The following DENND1B variants were observed in gnomAD, a reference collection of about 807,000 sequenced individuals.
DENND1B encodes the protein DENN domain-containing protein 1B.
A neutral mutation model predicts 90.1 loss-of-function variants in DENND1B; 59 were observed. That is an observed-to-expected ratio of 0.65 (90% CI 0.53 to 0.81). DENND1B has a LOEUF of 0.81. Ranked by LOEUF, DENND1B falls within the 40% of genes least tolerant of loss-of-function variation. The pLI, the probability that DENND1B is intolerant of heterozygous loss-of-function variation, is 0.00. For synonymous variants in DENND1B, 337 were observed against 324.6 expected (o/e 1.04, Z -0.41); for missense variants, 862 against 912.6 (o/e 0.94, Z 0.71).
At chr1:197,733,574 G>A (rs944488203) in intron 2 of DENND1B, among the ~76,000 whole-genome samples, 1 of 152,062 alleles carries the variant, frequency 6.6e-6, no homozygotes, top group Non-Finnish European at 1.5e-5. Context: ...CTTTGTCTTC[G>A]TTGTTTGGGC....
At chr1:197,739,485 A>G (rs1009350470) in intron 2 of DENND1B, among the ~76,000 whole-genome samples, 1 of 152,236 alleles carries the variant, frequency 6.6e-6, no homozygotes, top group African/African-American at 2.4e-5. Context: ...CATCACAGGA[A>G]AATCCCCAAA....
intron 20 of DENND1B, among the ~76,000 whole-genome samples, chr1:197,513,458 T>C (rs1467571236): frequency 2.0e-5 from 3 of 150,476 alleles, no homozygotes; most frequent in Non-Finnish European, 4.5e-5. Flanking sequence ...GGTTCTATAG[T>C]GTTTCTGAGT....
intron 2 of DENND1B, among the ~76,000 whole-genome samples, chr1:197,767,868 T>C (rs573428901): frequency 6.4e-4 from 97 of 152,274 alleles, no homozygotes; most frequent in African/African-American, 2.3e-3. Flanking sequence ...ACTCAAATAT[T>C]TCCTCGCATG....
At chr1:197,568,374 T>C (rs1672868298) in intron 15 of DENND1B, among the ~76,000 whole-genome samples, 2 of 152,150 alleles carry the variant, frequency 1.3e-5, no homozygotes, top group Non-Finnish European at 2.9e-5. Flanking sequence ...ATATTCCATG[T>C]TCATGTGTTC....
upstream of DENND1B, among the ~76,000 whole-genome samples, chr1:197,780,271 T>C (rs1315239422): frequency 6.6e-6 from 1 of 152,022 alleles, no homozygotes; most frequent in Non-Finnish European, 1.5e-5. Flanking sequence ...GTTCATGGTC[T>C]TCCAGTTCAT....
At chr1:197,673,339 GC>G (rs760282497) in intron 4 of DENND1B, among the ~76,000 whole-genome samples, 1 of 151,926 alleles carries the variant, frequency 6.6e-6, no homozygotes, top group Non-Finnish European at 1.5e-5. Flanking sequence ...CATCAACAAT[GC>G]TTATTAGTAC....
intron 3 of DENND1B, among the ~76,000 whole-genome samples, chr1:197,678,452 A>G (rs372665147): frequency 6.6e-6 from 1 of 152,154 alleles, no homozygotes; most frequent in East Asian, 1.9e-4. Context: ...GAATTTCTGA[A>G]AAGATGATTA....
Position 197,715,015 on chromosome 1 carries a change from A to G in DENND1B, c.126+16T>C. On this transcript the variant is annotated intron_variant, in intron 3 of 22. Transcript: ENST00000620048. ...ACTTCAACTTTAAATTTTTTAAAAA[A>G]TTATGTGGTACCAACCTGGTCTCCA... 2 of 1,602,994 alleles carry G rather than the reference A, an allele frequency of 1.2e-6. No individual in the cohort carries two copies. Among genetic ancestry groups the G allele is most frequent in the Non-Finnish European group, 1.7e-6 (2 of 1,171,210 alleles).
chr1:197,543,887 T>C lies in DENND1B; in HGVS notation c.1350+2035A>G, dbSNP rs867602698. Among the ~76,000 whole-genome samples, 4 of 152,314 alleles carry C rather than the reference T, an allele frequency of 2.6e-5. 1 individual carries two copies. The South Asian group carries it at 8.3e-4, about 32-fold the overall frequency. ...AGGAATAACAGAAGTTCTAAACTTT[T>C]ATTAAAATATACTATTTTATTATTA... On this transcript the variant is annotated intron_variant, in intron 18 of 22. Coordinates refer to ENST00000620048, the MANE Select transcript of DENND1B (RefSeq NM_001195215.2).
chr1:197,588,968 A>G (rs1002270001), intron 14 of DENND1B, among the ~76,000 whole-genome samples: 1 of 152,120 alleles, frequency 6.6e-6, no homozygotes, highest in Non-Finnish European at 1.5e-5. Context: ...TCTTGAAAAA[A>G]GAAAAACTAC....
intron 2 of DENND1B, chr1:197,734,214 AGAAAT>A: frequency 1.1e-6 from 1 of 883,002 alleles, no homozygotes; most frequent in African/African-American, 1.8e-5. Flanking sequence ...ATTAAAACTT[AGAAAT>A]GAAAAGAGTA....
At chr1:197,707,591 C>A (rs568478083) in intron 3 of DENND1B, among the ~76,000 whole-genome samples, 1 of 146,198 alleles carries the variant, frequency 6.8e-6, no homozygotes, top group African/African-American at 2.5e-5. Context: ...TATTTATATA[C>A]ATATATTATA....
intron 15 of DENND1B, among the ~76,000 whole-genome samples, chr1:197,567,303 AC>A (rs1354380877): frequency 7.2e-5 from 11 of 152,124 alleles, no homozygotes; most frequent in Non-Finnish European, 1.3e-4. Flanking sequence ...ACCTATCAAA[AC>A]TGAATTATTA....
intron 10 of DENND1B, among the ~76,000 whole-genome samples, chr1:197,621,350 A>G (rs1056735649): frequency 6.6e-6 from 1 of 151,296 alleles, no homozygotes; most frequent in African/African-American, 2.4e-5. Flanking sequence ...GACTCTAAAT[A>G]TTATTCTGGA....
At chr1:197,664,151 A>T (rs1654705676) in intron 5 of DENND1B, among the ~76,000 whole-genome samples, 1 of 152,052 alleles carries the variant, frequency 6.6e-6, no homozygotes, top group Non-Finnish European at 1.5e-5. Flanking sequence ...TGCTCAAAGC[A>T]ACTAATTTTA....
intron 3 of DENND1B, among the ~76,000 whole-genome samples, chr1:197,706,667 A>C (rs1197557536): frequency 1.3e-5 from 2 of 152,176 alleles, no homozygotes; most frequent in African/African-American, 2.4e-5. Context: ...CAACAGGCAC[A>C]TCAAACAATC....
At chr1:197,595,682 G>T (rs1340817936) in intron 13 of DENND1B, among the ~76,000 whole-genome samples, 1 of 152,044 alleles carries the variant, frequency 6.6e-6, no homozygotes, top group Non-Finnish European at 1.5e-5. Context: ...GATGAAGCAG[G>T]TTAGGTTTTG....
chr1:197,732,918 C>G (rs2102325383), intron 2 of DENND1B, among the ~76,000 whole-genome samples: 1 of 152,332 alleles, frequency 6.6e-6, no homozygotes, highest in South Asian at 2.1e-4. Context: ...TATAATAACA[C>G]TGCCCACCAG....
At chr1:197,674,275 G>T in intron 3 of DENND1B, 106 bp from the exon 4 acceptor site, 1 of 777,658 alleles carries the variant, frequency 1.3e-6, no homozygotes, top group Non-Finnish European at 2.1e-6. Context: ...TGCTTTCTTT[G>T]TCCTTAAGAA....
Sources: gnomAD v4.1 joint callset for allele counts (sites outside exome capture counted in the v4.1 genomes callset) on GRCh38, gnomAD v4.1.1 for gene constraint, MANE v1.5 for transcripts, NCBI Gene and HGNC (gene_info 2026-07-23, HGNC 2026-07-21) for gene names.